PTPRM: variants seen among roughly 807,000 people sequenced by gnomAD.
PTPRM encodes protein tyrosine phosphatase receptor type M, also known as receptor-type tyrosine-protein phosphatase mu.
PTPRM carries 47 observed loss-of-function variants against 186.7 expected under a neutral mutation model. The observed-to-expected ratio is 0.25, with a 90% CI of 0.20 to 0.32. The LOEUF is 0.32. Among genes scored for constraint, PTPRM ranks in the 10% least tolerant of loss-of-function variants. The pLI is 1.00. For synonymous variants in PTPRM, 668 were observed against 674.9 expected (o/e 0.99, Z 0.16); for missense variants, 1,494 against 1,865.0 (o/e 0.80, Z 3.66).
chr18:8,114,673 C>A, intron 12 of PTPRM, 118 bp from the exon 13 acceptor site: 2 of 813,672 alleles, frequency 2.5e-6, no homozygotes, highest in Non-Finnish European at 4.0e-6. Flanking sequence ...TGATTAAAGA[C>A]ACGCTCAGAA....
At chr18:7,742,645 C>G (rs1295839508) in intron 1 of PTPRM, among the ~76,000 whole-genome samples, 1 of 152,110 alleles carries the variant, frequency 6.6e-6, no homozygotes, top group Non-Finnish European at 1.5e-5. Context: ...TCGAGACCAG[C>G]TTGGACAACA....
At chr18:8,266,545 G>A (rs2094703078) in intron 19 of PTPRM, among the ~76,000 whole-genome samples, 1 of 152,140 alleles carries the variant, frequency 6.6e-6, no homozygotes, top group Non-Finnish European at 1.5e-5. Flanking sequence ...GGAAAAGAAA[G>A]GGAATATGCT....
intron 2 of PTPRM, among the ~76,000 whole-genome samples, chr18:7,838,427 C>A (rs1469161640): frequency 2.0e-5 from 3 of 152,324 alleles, no homozygotes; most frequent in Non-Finnish European, 2.9e-5. Flanking sequence ...AGAGGTACCA[C>A]TTTAGTGGTC....
At chr18:7,659,213 T>G (rs1223275135) in intron 1 of PTPRM, among the ~76,000 whole-genome samples, 1 of 152,002 alleles carries the variant, frequency 6.6e-6, no homozygotes, top group Admixed American at 6.6e-5. Context: ...ACATACTAAA[T>G]ATTTTCCTAT....
intron 5 of PTPRM, among the ~76,000 whole-genome samples, chr18:7,927,210 A>T (rs575540115): frequency 6.6e-6 from 1 of 152,238 alleles, no homozygotes; most frequent in Admixed American, 6.5e-5. Flanking sequence ...ATTCCACCAT[A>T]TGTGTTTTGC....
intron 1 of PTPRM, among the ~76,000 whole-genome samples, chr18:7,662,137 T>G (rs2038994859): frequency 6.6e-6 from 1 of 152,182 alleles, no homozygotes; most frequent in South Asian, 2.1e-4. Flanking sequence ...GGTTTCTTCA[T>G]GTTGCCCAGG....
At chr18:8,148,773 C>T (rs1278232175) in intron 14 of PTPRM, among the ~76,000 whole-genome samples, 1 of 152,128 alleles carries the variant, frequency 6.6e-6, no homozygotes, top group Non-Finnish European at 1.5e-5. Context: ...TTCCTGCTTT[C>T]TCTTGTGGGC....
intron 14 of PTPRM, among the ~76,000 whole-genome samples, chr18:8,190,739 A>G (rs748239675): frequency 2.0e-5 from 3 of 152,218 alleles, no homozygotes; most frequent in African/African-American, 4.8e-5. Context: ...AAATACATAA[A>G]TGTTAAAAGT....
At chr18:7,680,664 C>T (rs757448971) in intron 1 of PTPRM, among the ~76,000 whole-genome samples, 1 of 152,040 alleles carries the variant, frequency 6.6e-6, no homozygotes, top group Admixed American at 6.6e-5. Context: ...ACCAGGATGT[C>T]GGTCATTTTG....
intron 7 of PTPRM, among the ~76,000 whole-genome samples, chr18:7,995,027 G>T (rs1469431077): frequency 6.6e-6 from 1 of 151,910 alleles, no homozygotes; most frequent in Non-Finnish European, 1.5e-5. Flanking sequence ...TTAACAAAAT[G>T]AAAACTTTGG....
At chr18:7,995,661 C>T (rs1486412757) in intron 7 of PTPRM, 1 of 152,134 alleles carries the variant, frequency 6.6e-6, no homozygotes, top group Non-Finnish European at 1.5e-5. Context: ...GGAGGAGGCA[C>T]AGTGTTCTCT....
At chr18:8,217,784 C>T (rs571760507) in intron 14 of PTPRM, among the ~76,000 whole-genome samples, 5 of 152,120 alleles carry the variant, frequency 3.3e-5, no homozygotes, top group East Asian at 3.9e-4. Flanking sequence ...CATATATTTC[C>T]GTACATCACT....
chr18:7,677,488 C>T (rs1440944700), intron 1 of PTPRM, among the ~76,000 whole-genome samples: 6 of 152,150 alleles, frequency 3.9e-5, no homozygotes, highest in African/African-American at 1.4e-4. Flanking sequence ...CCACTGTTTA[C>T]AGGGAGTTGA....
chr18:8,174,400 G>A (rs911282714), intron 14 of PTPRM, among the ~76,000 whole-genome samples: 1 of 152,182 alleles, frequency 6.6e-6, no homozygotes, highest in East Asian at 1.9e-4. Flanking sequence ...CACTGTCATA[G>A]TTTCCTCACT....
intron 14 of PTPRM, among the ~76,000 whole-genome samples, chr18:8,217,510 G>A (rs1412558886): frequency 1.3e-5 from 2 of 152,150 alleles, no homozygotes; most frequent in Admixed American, 6.5e-5. Flanking sequence ...TTAACGAGCC[G>A]TTTTAGCTGC....
chr18:8,049,828 C>T (rs1182777609), intron 7 of PTPRM, among the ~76,000 whole-genome samples: 2 of 151,900 alleles, frequency 1.3e-5, no homozygotes, highest in Non-Finnish European at 2.9e-5. Context: ...TCTCCTGCCT[C>T]AGCCTCCCGA....
intron 14 of PTPRM, among the ~76,000 whole-genome samples, chr18:8,225,305 G>T (rs1438996634): frequency 6.6e-6 from 1 of 152,128 alleles, no homozygotes; most frequent in Non-Finnish European, 1.5e-5. Flanking sequence ...TATGTGATAT[G>T]TTTGAATATT....
At chr18:7,630,521 C>T (rs2038166523) in intron 1 of PTPRM, among the ~76,000 whole-genome samples, 2 of 151,980 alleles carry the variant, frequency 1.3e-5, no homozygotes, top group African/African-American at 4.8e-5. Context: ...GGAGCAGAGA[C>T]CTAGGACAGT....
intron 21 of PTPRM, among the ~76,000 whole-genome samples, chr18:8,317,220 A>G (rs1319411969): frequency 2.0e-5 from 3 of 152,034 alleles, no homozygotes; most frequent in Non-Finnish European, 4.4e-5. Flanking sequence ...GAGGTGAGAA[A>G]TGGCGAGACC....
Sources: gnomAD v4.1 joint callset for allele counts (sites outside exome capture counted in the v4.1 genomes callset) on GRCh38, gnomAD v4.1.1 for gene constraint, MANE v1.5 for transcripts, NCBI Gene and HGNC (gene_info 2026-07-23, HGNC 2026-07-21) for gene names.